LRRC59: variants seen among roughly 807,000 people sequenced by gnomAD.
LRRC59 encodes the protein leucine-rich repeat-containing protein 59.
A neutral mutation model predicts 33.5 loss-of-function variants in LRRC59; 18 were observed. That is an observed-to-expected ratio of 0.54 (90% CI 0.37 to 0.80). The LOEUF is 0.80. Among genes scored for constraint, LRRC59 ranks in the 30% least tolerant of loss-of-function variants. The pLI is 0.00. For synonymous variants in LRRC59, 138 were observed against 160.0 expected, an observed-to-expected ratio of 0.86 and a Z score of 1.04; for missense variants, 330 against 391.9, an observed-to-expected ratio of 0.84 and a Z score of 1.33.
chr17:50,384,970 C>T (rs1394898064), intron 6 of LRRC59, 148 bp downstream of exon 6: 15 of 945,906 alleles, frequency 1.6e-5, no homozygotes, highest in South Asian at 6.5e-5. Flanking sequence ...CCCCATTCCC[C>T]GTAACCAAAC....
intron 2 of LRRC59, 56 bp downstream of exon 2, chr17:50,394,873 A>G (rs1438002061): frequency 9.5e-7 from 1 of 1,048,696 alleles, no homozygotes; most frequent in Non-Finnish European, 1.4e-6. Context: ...CCCCCGAAAC[A>G]GGAAGGAGAT....
intron 1 of LRRC59, among the ~76,000 whole-genome samples, chr17:50,395,227 C>T (rs531144003): frequency 6.6e-6 from 1 of 151,978 alleles, no homozygotes; most frequent in African/African-American, 2.4e-5. Flanking sequence ...AAACCTTAGG[C>T]GAGGCACAGG....
chr17:50,395,126 C>T (rs1334335720), intron 1 of LRRC59, 138 bp from the exon 2 acceptor site: 1 of 607,526 alleles, frequency 1.6e-6, no homozygotes, highest in South Asian at 2.0e-5. Context: ...GAGTAATGTT[C>T]CTGGGAATAA....
chr17:50,395,296 C>T (rs1189904660), intron 1 of LRRC59, among the ~76,000 whole-genome samples: 4 of 148,826 alleles, frequency 2.7e-5, no homozygotes, highest in African/African-American at 9.9e-5. Flanking sequence ...AGGAGGATCG[C>T]TTGAGCCCAG....
chr17:50,388,153 A>C (rs377098392), intron 4 of LRRC59, 21 bp from the exon 5 acceptor site: 2 of 1,610,152 alleles, frequency 1.2e-6, no homozygotes, highest in Non-Finnish European at 1.7e-6. Flanking sequence ...AAAGGAGGAA[A>C]GTAGTGCTCT....
chr17:50,388,277 G>A (rs546216653), intron 4 of LRRC59, 145 bp from the exon 5 acceptor site: 13 of 710,896 alleles, frequency 1.8e-5, no homozygotes, highest in East Asian at 2.7e-5. Flanking sequence ...GGTGGCTCAC[G>A]CCTGTAACCC....
chr17:50,397,093 C>A, intron 1 of LRRC59, 120 bp downstream of exon 1: 1 of 762,598 alleles, frequency 1.3e-6, no homozygotes, highest in East Asian at 3.1e-5. Context: ...AGTCCCACCA[C>A]CCCGCTTCTT....
chr17:50,387,223 C>T (rs1159752533), intron 5 of LRRC59, among the ~76,000 whole-genome samples: 2 of 152,142 alleles, frequency 1.3e-5, no homozygotes, highest in Admixed American at 6.5e-5. Context: ...CCTAAGGCAA[C>T]ATTTGAGCAG....
At chr17:50,383,462 T>C (rs1408935976) in intron 6 of LRRC59, among the ~76,000 whole-genome samples, 1 of 152,162 alleles carries the variant, frequency 6.6e-6, no homozygotes, top group Non-Finnish European at 1.5e-5. Flanking sequence ...GCGTGTCTCA[T>C]GTAGCTCACA....
chr17:50,384,572 C>A (rs1247927837), intron 6 of LRRC59, among the ~76,000 whole-genome samples: 3 of 152,096 alleles, frequency 2.0e-5, no homozygotes, highest in Non-Finnish European at 4.4e-5. Flanking sequence ...TTGAGACCAG[C>A]CCGACCAACA....
At chr17:50,387,060 G>A (rs1309696704) in intron 5 of LRRC59, among the ~76,000 whole-genome samples, 1 of 152,166 alleles carries the variant, frequency 6.6e-6, no homozygotes, top group African/African-American at 2.4e-5. Context: ...GGAGGTTGCA[G>A]TGAGCCGAGA....
chr17:50,385,298 C>T lies in LRRC59; in HGVS notation c.503-7G>A. The T allele has an allele frequency of 1.2e-6, 2 of 1,610,510 alleles. No individual in the cohort carries two copies. The highest frequency in any genetic ancestry group is 8.5e-7 in the Non-Finnish European group (1 of 1,178,496). On this transcript the variant is annotated splice_region_variant and splice_polypyrimidine_tract_variant and intron_variant, in intron 5 of 6. Coordinates refer to ENST00000225972, the MANE Select transcript of LRRC59 (RefSeq NM_018509.4). ...TCACGCTTCTTCTCTGCCTCTACAA[C>T]AAAACATACCAAAATTTGACTTCTC...
rs1005083409 is a variant in LRRC59 at position 50,392,620 on chromosome 17, C to A, written c.325-118G>T. 4.1e-6 allele frequency: 6 copies of A among 1,463,016 alleles called. No homozygotes were observed. In the African/African-American group the frequency reaches 7.0e-5, roughly 17 times the overall value. 90.6% of individuals were successfully genotyped at this position (1,463,016 alleles called of 1,614,324 possible). On this transcript the variant is annotated intron_variant, in intron 3 of 6. Coordinates refer to ENST00000225972, the MANE Select transcript of LRRC59 (RefSeq NM_018509.4). ...CCCTCTGTGTTCCACATATAGGGAG[C>A]GCCATCTGAGGCAGGACCAACAAGG...
At position 50,392,861 on chromosome 17, in the gene LRRC59, C is replaced by G. The variant is rs1270989880; in HGVS notation, c.202G>C (p.Asp68His). Residue 68 changes from aspartate to histidine, a missense_variant, in exon 3 of 7, where the codon GAC becomes CAC. Coordinates refer to ENST00000225972, the MANE Select transcript of LRRC59 (RefSeq NM_018509.4). ...TGCTGCAGCTTGTTCTTACTCAGGTCTAGCTTCACCAGGTGTGTGAGGCCA... is the reference window on the plus strand; with the variant it reads ...TGCTGCAGCTTGTTCTTACTCAGGTGTAGCTTCACCAGGTGTGTGAGGCCA... ...FCGLTHLVKL[D>H]LSKNKLQQLP... The G allele has an allele frequency of 6.8e-6, 11 of 1,613,894 alleles. No homozygotes were observed. Among genetic ancestry groups the G allele is most frequent in the African/African-American group, 4.0e-5 (3 of 74,922 alleles).
chr17:50,387,082 C>A (rs1859408), intron 5 of LRRC59, among the ~76,000 whole-genome samples: 27,841 of 151,838 alleles, frequency 0.18, 3,064 homozygotes, highest in Non-Finnish European at 0.24. Context: ...CGTGCCACCG[C>A]ACTCCAGCCT....
intron 5 of LRRC59, among the ~76,000 whole-genome samples, chr17:50,386,990 C>T (rs1914019626): frequency 6.6e-6 from 1 of 152,132 alleles, no homozygotes; most frequent in Non-Finnish European, 1.5e-5. Flanking sequence ...AGCAGAGGGG[C>T]ACCTGTAGTC....
At chr17:50,384,696 C>T (rs1001135661) in intron 6 of LRRC59, among the ~76,000 whole-genome samples, 4 of 148,962 alleles carry the variant, frequency 2.7e-5, no homozygotes, top group South Asian at 2.1e-4. Flanking sequence ...ACCCAGGAGA[C>T]GGAGGTTGCA....
At chr17:50,389,074 T>C (rs1469504604) in intron 4 of LRRC59, among the ~76,000 whole-genome samples, 1 of 152,240 alleles carries the variant, frequency 6.6e-6, no homozygotes, top group Non-Finnish European at 1.5e-5. Context: ...CCACTGCTAA[T>C]GGCCAGAAAG....
intron 4 of LRRC59, among the ~76,000 whole-genome samples, chr17:50,391,570 T>C (rs1914144273): frequency 6.6e-6 from 1 of 152,158 alleles, no homozygotes; most frequent in East Asian, 1.9e-4. Context: ...TGTAATGCTG[T>C]TCTTAATAGG....
Sources: gnomAD v4.1 joint callset for allele counts (sites outside exome capture counted in the v4.1 genomes callset) on GRCh38, gnomAD v4.1.1 for gene constraint, MANE v1.5 for transcripts, NCBI Gene and HGNC (gene_info 2026-07-23, HGNC 2026-07-21) for gene names.